The following TNNI3K variants were observed in gnomAD, a reference collection of about 807,000 sequenced individuals.
The protein encoded by TNNI3K is serine/threonine-protein kinase TNNI3K.
TNNI3K carries 140 observed loss-of-function variants against 114.5 expected under a neutral mutation model. The ratio of observed to expected loss-of-function variants is 1.22; its 90% CI spans 1.07 to 1.41. The LOEUF (loss-of-function observed/expected upper bound fraction) is 1.41. Among genes scored for constraint, TNNI3K ranks in the 40% most tolerant of loss-of-function variants. The pLI is 0.00. For synonymous variants in TNNI3K, 347 were observed against 347.5 expected, an observed-to-expected ratio of 1.00 and a Z score of 0.02; for missense variants, 1,125 against 1,007.6, an observed-to-expected ratio of 1.12 and a Z score of -1.58.
At chr1:74,403,137 T>C (rs1664454327) in intron 17 of TNNI3K, among the ~76,000 whole-genome samples, 1 of 152,172 alleles carries the variant, frequency 6.6e-6, no homozygotes, top group Non-Finnish European at 1.5e-5. Context: ...AGGAATGCAA[T>C]AGGAAGATTT....
chr1:74,451,746 T>A (rs1275746517), intron 20 of TNNI3K, among the ~76,000 whole-genome samples: 5 of 21,316 alleles, frequency 2.3e-4, no homozygotes, highest in Non-Finnish European at 2.3e-4. Flanking sequence ...TTTCTTTCTT[T>A]CTTTTCTTTT....
intron 10 of TNNI3K, 37 bp from the exon 11 acceptor site, chr1:74,353,943 T>C: frequency 6.3e-7 from 1 of 1,575,984 alleles, no homozygotes; most frequent in South Asian, 1.2e-5. Context: ...GTTTTTCTTT[T>C]TTCTCCTTTT....
chr1:74,398,284 C>T (rs763219362), intron 17 of TNNI3K, among the ~76,000 whole-genome samples: 2 of 152,144 alleles, frequency 1.3e-5, no homozygotes, highest in Non-Finnish European at 2.9e-5. Context: ...GAGGTGGATG[C>T]TCCTTGATGG....
At chr1:74,300,302 T>G (rs1360335008) in intron 5 of TNNI3K, among the ~76,000 whole-genome samples, 1 of 152,224 alleles carries the variant, frequency 6.6e-6, no homozygotes, top group African/African-American at 2.4e-5. Flanking sequence ...CCTACATATG[T>G]GCTCACATAG....
At chr1:74,363,096 G>C (rs1662056125) in intron 11 of TNNI3K, among the ~76,000 whole-genome samples, 1 of 152,050 alleles carries the variant, frequency 6.6e-6, no homozygotes, top group Admixed American at 6.6e-5. Flanking sequence ...TATTCCATTA[G>C]TGTGCCTTGG....
At position 74,446,110 on chromosome 1, in the gene TNNI3K, G is replaced by A. The variant is rs373684234; in HGVS notation, c.2011+6488G>A. 8.8e-3 allele frequency among the ~76,000 whole-genome samples: 1,332 copies of A among 151,976 alleles called. 18 individuals are homozygous for A. Among genetic ancestry groups the A allele is most frequent in the African/African-American group, 0.027 (1,123 of 41,420 alleles). ...TCTAGTTCTAGATCCCTGAGGAATCGCCACACTGACTTCCACAATGGTTTA... is the reference window on the plus strand; with the variant it reads ...TCTAGTTCTAGATCCCTGAGGAATCACCACACTGACTTCCACAATGGTTTA... On this transcript the variant is annotated intron_variant, in intron 20 of 24. Transcript: ENST00000326637.
intron 20 of TNNI3K, among the ~76,000 whole-genome samples, chr1:74,440,863 A>G (rs1158556293): frequency 6.6e-6 from 1 of 152,130 alleles, no homozygotes; most frequent in Non-Finnish European, 1.5e-5. Context: ...ATTGATGGAT[A>G]TACAGAAAAT....
intron 22 of TNNI3K, 31 bp downstream of exon 22, chr1:74,489,279 T>TA (rs755540750): frequency 1.3e-6 from 2 of 1,598,578 alleles, no homozygotes; most frequent in Non-Finnish European, 1.7e-6. Context: ...AATATGTCCA[T>TA]AAAAAAGCCC....
Position 74,336,008 on chromosome 1 carries a change from T to C in TNNI3K, c.544-3T>C. The C allele has an allele frequency of 6.4e-7, 1 of 1,568,214 alleles. No homozygotes were observed. The highest frequency in any genetic ancestry group is 8.6e-7 in the Non-Finnish European group (1 of 1,165,970). On this transcript the variant is annotated splice_polypyrimidine_tract_variant and splice_region_variant and intron_variant, in intron 6 of 24. Transcript: ENST00000326637. ...ACTGATTTCAAATGAATAAATCCTTTAGGTAACTCGCCTTCTTTTGAAATT... is the reference window on the plus strand; with the variant it reads ...ACTGATTTCAAATGAATAAATCCTTCAGGTAACTCGCCTTCTTTTGAAATT...
chr1:74,278,469 C>A (rs1341056609), intron 5 of TNNI3K, among the ~76,000 whole-genome samples: 1 of 152,098 alleles, frequency 6.6e-6, no homozygotes, highest in Non-Finnish European at 1.5e-5. Context: ...GGAAAACATG[C>A]CATATCTGCA....
intron 5 of TNNI3K, among the ~76,000 whole-genome samples, chr1:74,320,373 C>A (rs1659541682): frequency 6.6e-6 from 1 of 152,126 alleles, no homozygotes; most frequent in East Asian, 1.9e-4. Context: ...GTGGAAGCAC[C>A]AATTTCATGG....
intron 19 of TNNI3K, among the ~76,000 whole-genome samples, chr1:74,438,490 A>C (rs1366209335): frequency 6.6e-6 from 1 of 152,072 alleles, no homozygotes; most frequent in Non-Finnish European, 1.5e-5. Context: ...AGCAAAGTTT[A>C]TTAATAAAAT....
At position 74,422,189 on chromosome 1, in the gene TNNI3K, A is replaced by C. The variant is rs146983278; in HGVS notation, c.1773-13891A>C. Reference sequence around the variant, plus strand: ...TATGTATTCTTGTTCTCACTATTTAAGAGTGTTCACACATCCCCTTTACCG... The same window carrying C: ...TATGTATTCTTGTTCTCACTATTTACGAGTGTTCACACATCCCCTTTACCG... On this transcript the variant is annotated intron_variant, in intron 17 of 24. Transcript: ENST00000326637. Among the ~76,000 whole-genome samples, 65 of 151,940 alleles carry C rather than the reference A, an allele frequency of 4.3e-4. 1 individual carries two copies. The East Asian group carries it at 0.012, about 28-fold the overall frequency.
intron 4 of TNNI3K, among the ~76,000 whole-genome samples, chr1:74,267,339 A>G (rs1036364874): frequency 9.2e-5 from 14 of 151,952 alleles, no homozygotes; most frequent in African/African-American, 3.4e-4. Flanking sequence ...GAGGCTTATC[A>G]GTTAAATACA....
At chr1:74,474,965 C>A (rs1668115703) in intron 21 of TNNI3K, among the ~76,000 whole-genome samples, 3 of 151,728 alleles carry the variant, frequency 2.0e-5, no homozygotes, top group Admixed American at 2.0e-4. Flanking sequence ...ACTAGCTATC[C>A]CATAGATCTT....
At chr1:74,297,553 G>GTGTGTA (rs1463891851) in intron 5 of TNNI3K, among the ~76,000 whole-genome samples, 5 of 151,258 alleles carry the variant, frequency 3.3e-5, no homozygotes, top group Non-Finnish European at 7.4e-5. Flanking sequence ...GTGTGTGTGT[G>GTGTGTA]TATAAATATA....
chr1:74,286,247 C>T (rs1206606792), intron 5 of TNNI3K, among the ~76,000 whole-genome samples: 1 of 152,146 alleles, frequency 6.6e-6, no homozygotes, highest in Non-Finnish European at 1.5e-5. Context: ...CAGTGGATTC[C>T]AGAACCAGGC....
At chr1:74,296,951 T>C (rs1452129480) in intron 5 of TNNI3K, among the ~76,000 whole-genome samples, 2 of 152,208 alleles carry the variant, frequency 1.3e-5, no homozygotes, top group African/African-American at 4.8e-5. Flanking sequence ...ATTGAATATG[T>C]GGCTTCATGT....
intron 23 of TNNI3K, among the ~76,000 whole-genome samples, chr1:74,518,295 G>T (rs1646377642): frequency 6.6e-6 from 1 of 152,126 alleles, no homozygotes; most frequent in African/African-American, 2.4e-5. Context: ...AAATTGAAAG[G>T]AGTTCTTCTT....
Sources: allele counts gnomAD v4.1 joint callset (sites outside exome capture counted in the v4.1 genomes callset), GRCh38; gene constraint gnomAD v4.1.1; transcripts MANE v1.5; gene names NCBI Gene and HGNC (gene_info 2026-07-23, HGNC 2026-07-21).